The following PDE10A variants were observed in gnomAD, a reference collection of about 807,000 sequenced individuals.
PDE10A encodes phosphodiesterase 10A, also known as cAMP and cAMP-inhibited cGMP 3',5'-cyclic phosphodiesterase 10A.
PDE10A carries 39 observed loss-of-function variants against 97.7 expected under a neutral mutation model. The observed-to-expected ratio is 0.40, with a 90% CI of 0.31 to 0.52. PDE10A has a LOEUF of 0.52. PDE10A is among the 20% of genes least tolerant of loss of function. The pLI, the probability that PDE10A is intolerant of heterozygous loss-of-function variation, is 0.56. For synonymous variants in PDE10A, 371 were observed against 376.8 expected (o/e 0.98, Z 0.18); for missense variants, 731 against 1,047.8 (o/e 0.70, Z 4.17).
chr6:165,632,716 G>A (rs746000037), intron 1 of PDE10A, among the ~76,000 whole-genome samples: 9 of 152,150 alleles, frequency 5.9e-5, no homozygotes, highest in Non-Finnish European at 1.2e-4. Context: ...AAGCGGCCGT[G>A]GAGAAACCAG....
At chr6:165,822,751 A>T (rs1442019397) in intron 1 of PDE10A, among the ~76,000 whole-genome samples, 3 of 152,114 alleles carry the variant, frequency 2.0e-5, no homozygotes, top group Non-Finnish European at 4.4e-5. Context: ...CTTTATCAAC[A>T]CTATACACTT....
intron 1 of PDE10A, among the ~76,000 whole-genome samples, chr6:165,731,672 G>A (rs1792440350): frequency 2.0e-5 from 3 of 152,298 alleles, no homozygotes; most frequent in Admixed American, 2.0e-4. Flanking sequence ...TTGCAGGAGG[G>A]AGACATTCCA....
intron 10 of PDE10A, among the ~76,000 whole-genome samples, chr6:165,419,589 A>C (rs1788554256): frequency 6.6e-6 from 1 of 152,172 alleles, no homozygotes; most frequent in Non-Finnish European, 1.5e-5. Context: ...CTAAATGGAA[A>C]CCATGTATTC....
intron 1 of PDE10A, among the ~76,000 whole-genome samples, chr6:165,579,150 C>A (rs2128352925): frequency 6.6e-6 from 1 of 152,262 alleles, no homozygotes; most frequent in Admixed American, 6.5e-5. Flanking sequence ...TCAGAGTAAG[C>A]AAAGGCAGTT....
At chr6:165,912,556 T>C (rs1782492328) in intron 1 of PDE10A, among the ~76,000 whole-genome samples, 1 of 152,234 alleles carries the variant, frequency 6.6e-6, no homozygotes, top group African/African-American at 2.4e-5. Context: ...TTTTTCAGCC[T>C]ACAATGGCCT....
intron 1 of PDE10A, among the ~76,000 whole-genome samples, chr6:165,564,212 C>A (rs1002730444): frequency 6.6e-6 from 1 of 152,120 alleles, no homozygotes; most frequent in Non-Finnish European, 1.5e-5. Flanking sequence ...AAGAGTCCAA[C>A]ACTGTTCCTC....
intron 2 of PDE10A, among the ~76,000 whole-genome samples, chr6:165,487,577 TGGGAACC>T (rs1165792438): frequency 1.3e-5 from 2 of 152,194 alleles, no homozygotes; most frequent in Non-Finnish European, 2.9e-5. Flanking sequence ...GCCAAAAGGT[TGGGAACC>T]GCTGGTTTAG....
intron 1 of PDE10A, among the ~76,000 whole-genome samples, chr6:165,942,979 G>A (rs1312857333): frequency 1.3e-5 from 2 of 151,632 alleles, no homozygotes; most frequent in African/African-American, 2.4e-5. Flanking sequence ...GTAATAGGAA[G>A]GATGGATCTC....
intron 3 of PDE10A, among the ~76,000 whole-genome samples, chr6:165,468,821 T>C (rs1025151157): frequency 6.6e-6 from 1 of 152,206 alleles, no homozygotes; most frequent in South Asian, 2.1e-4. Context: ...TGGATTGTTA[T>C]TATATTCTTT....
At chr6:165,787,190 T>C (rs1778519433) in intron 1 of PDE10A, among the ~76,000 whole-genome samples, 1 of 152,126 alleles carries the variant, frequency 6.6e-6, no homozygotes. Flanking sequence ...AAATGATCAT[T>C]AAGTTACTGA....
intron 1 of PDE10A, among the ~76,000 whole-genome samples, chr6:165,827,563 C>T (rs531478341): frequency 3.9e-5 from 6 of 152,328 alleles, no homozygotes; most frequent in South Asian, 4.1e-4. Context: ...CCAAGTGCAC[C>T]GGTGTGCTGG....
At chr6:165,625,515 T>C (rs1168558388) in intron 1 of PDE10A, among the ~76,000 whole-genome samples, 1 of 152,206 alleles carries the variant, frequency 6.6e-6, no homozygotes, top group Non-Finnish European at 1.5e-5. Flanking sequence ...CTAAGATACC[T>C]GACCGATATG....
rs554717239 is a variant in PDE10A, at chr6:165,471,447, A to C, written c.1023+10868T>G. Among the ~76,000 whole-genome samples, 799 of 152,222 alleles carry C rather than the reference A, an allele frequency of 5.2e-3. 4 individuals carry two copies. The highest frequency in any genetic ancestry group is 0.018 in the African/African-American group (760 of 41,538). On this transcript the variant is annotated intron_variant, in intron 3 of 21. Transcript: ENST00000539869. ...TATCTCTAACCCAGAACGTTTACCTAAACTCCAGTCTCATATATACAACTT... is the reference window on the plus strand; with the variant it reads ...TATCTCTAACCCAGAACGTTTACCTCAACTCCAGTCTCATATATACAACTT...
At position 165,929,302 on chromosome 6, in the gene PDE10A, G is replaced by A. The variant is rs148355672; in HGVS notation, c.-615+58227C>T. On this transcript the variant is annotated intron_variant, in intron 1 of 19. Transcript: ENST00000366882. ...GATGGTGTAGGAAGTGGCTGGACAC[G>A]GGGAAGGATCAAACATGGGGTTGTG... Among the ~76,000 whole-genome samples the A allele has an allele frequency of 2.8e-4, 43 of 152,288 alleles. No individual in the cohort carries two copies. In the East Asian group the frequency reaches 6.8e-3, roughly 24 times the overall value.
At chr6:165,757,214 C>T (rs1793137473) in intron 1 of PDE10A, among the ~76,000 whole-genome samples, 1 of 152,170 alleles carries the variant, frequency 6.6e-6, no homozygotes, top group Non-Finnish European at 1.5e-5. Context: ...ATCTGCCTGC[C>T]TCAGACTCCC....
intron 2 of PDE10A, among the ~76,000 whole-genome samples, chr6:165,486,653 G>A (rs1779941545): frequency 6.6e-6 from 1 of 152,216 alleles, no homozygotes; most frequent in African/African-American, 2.4e-5. Context: ...ACACGGAAGT[G>A]AGATGCTTTC....
rs146661947 is a variant in PDE10A, at chr6:165,634,252, C to CGTGT, written c.865+27691_865+27694dup. 5.3e-5 allele frequency among the ~76,000 whole-genome samples: 8 copies of CGTGT among 151,576 alleles called. No individual in the cohort carries two copies. The East Asian group carries it at 1.6e-3, about 29-fold the overall frequency. Reference sequence around the variant, plus strand: ...GTCTGCAGCGGTGCCCACTGAAGATCGTGTGTGTGTGTGTGGAGCGTCATG... The same window carrying CGTGT: ...GTCTGCAGCGGTGCCCACTGAAGATCGTGTGTGTGTGTGTGTGTGGAGCGTCATG... On this transcript the variant is annotated intron_variant, in intron 1 of 21. Transcript: ENST00000539869.
At chr6:165,492,066 G>A (rs1408989450) in intron 2 of PDE10A, among the ~76,000 whole-genome samples, 1 of 152,044 alleles carries the variant, frequency 6.6e-6, no homozygotes, top group South Asian at 2.1e-4. Flanking sequence ...GATGATTCAA[G>A]GCTACTATGA....
At chr6:165,741,396 T>G (rs966623112) in intron 1 of PDE10A, among the ~76,000 whole-genome samples, 1 of 152,204 alleles carries the variant, frequency 6.6e-6, no homozygotes, top group Non-Finnish European at 1.5e-5. Flanking sequence ...TTGGTTAAAA[T>G]AAAAATATGG....
Sources: gnomAD v4.1 joint callset for allele counts (sites outside exome capture counted in the v4.1 genomes callset) on GRCh38, gnomAD v4.1.1 for gene constraint, MANE v1.5 for transcripts, NCBI Gene and HGNC (gene_info 2026-07-23, HGNC 2026-07-21) for gene names.